Variants in SLC9B2 observed in about 807,000 individuals in gnomAD.
SLC9B2 encodes the protein solute carrier family 9 member B2.
SLC9B2 carries 39 observed loss-of-function variants against 52.2 expected under a neutral mutation model. That is an observed-to-expected ratio of 0.75 (90% CI 0.58 to 0.98). The LOEUF is 0.98. Among genes scored for constraint, SLC9B2 ranks in the 50% least tolerant of loss-of-function variants. SLC9B2 has a pLI of 0.00. For synonymous variants in SLC9B2, 214 were observed against 227.0 expected, an observed-to-expected ratio of 0.94 and a Z score of 0.51; for missense variants, 626 against 637.5, an observed-to-expected ratio of 0.98 and a Z score of 0.19.
chr4:103,044,458 G>C (rs1472107518), intron 8 of SLC9B2, among the ~76,000 whole-genome samples: 2 of 152,110 alleles, frequency 1.3e-5, no homozygotes, highest in African/African-American at 4.8e-5. Flanking sequence ...GTGTTGCCCA[G>C]ACTGGACTCA....
chr4:103,058,053 A>G, intron 3 of SLC9B2, 82 bp from the exon 4 acceptor site: 2 of 1,238,430 alleles, frequency 1.6e-6, no homozygotes, highest in Non-Finnish European at 2.3e-6. Flanking sequence ...ATTTGTAAAA[A>G]TAAATACTGA....
At chr4:103,031,892 A>C in intron 9 of SLC9B2, 84 bp from the exon 10 acceptor site, 1 of 1,370,178 alleles carries the variant, frequency 7.3e-7, no homozygotes, top group Non-Finnish European at 1.0e-6. Flanking sequence ...GGTTTGAATT[A>C]TTTGGCCTGA....
chr4:103,036,771 C>T (rs1335980397), intron 9 of SLC9B2, among the ~76,000 whole-genome samples: 1 of 151,282 alleles, frequency 6.6e-6, no homozygotes, highest in Non-Finnish European at 1.5e-5. Context: ...ATTGATAATG[C>T]TTTTTTGGAG....
At chr4:103,072,259 A>C (rs1428427601) in intron 1 of SLC9B2, among the ~76,000 whole-genome samples, 1 of 151,920 alleles carries the variant, frequency 6.6e-6, no homozygotes, top group Admixed American at 6.6e-5. Flanking sequence ...GGGTTTCACC[A>C]TGTTGGCCAG....
At chr4:103,072,133 A>G (rs2110673913) in intron 1 of SLC9B2, among the ~76,000 whole-genome samples, 1 of 136,348 alleles carries the variant, frequency 7.3e-6, no homozygotes, top group Admixed American at 8.4e-5. Context: ...ATCTCAGCTC[A>G]CTGCAACCTC....
chr4:103,030,458 GGTGAGAGGCTGGCAGGTTGT>G (rs958438347), intron 10 of SLC9B2, among the ~76,000 whole-genome samples: 2 of 151,940 alleles, frequency 1.3e-5, no homozygotes, highest in Non-Finnish European at 2.9e-5. Context: ...ATATTACCTT[GGTGAGAGGCTGGCAGGTTGT>G]GTGAGAGGTT....
chr4:103,048,058 C>A (rs1744327486), intron 6 of SLC9B2, among the ~76,000 whole-genome samples: 1 of 152,090 alleles, frequency 6.6e-6, no homozygotes, highest in Non-Finnish European at 1.5e-5. Context: ...CCCAGTGATG[C>A]TAGGCCTTCT....
At chr4:103,073,616 C>T (rs1036192631) in intron 1 of SLC9B2, among the ~76,000 whole-genome samples, 20 of 152,104 alleles carry the variant, frequency 1.3e-4, no homozygotes, top group Admixed American at 9.8e-4. Context: ...GGAAAACAAC[C>T]GCTATTTTAT....
chr4:103,053,865 G>A (rs1189745166), intron 4 of SLC9B2, among the ~76,000 whole-genome samples: 1 of 152,126 alleles, frequency 6.6e-6, no homozygotes, highest in African/African-American at 2.4e-5. Context: ...AACCATGCCT[G>A]GCTAATTTTT....
intron 2 of SLC9B2, 42 bp from the exon 3 acceptor site, chr4:103,066,549 AT>A: frequency 6.4e-7 from 1 of 1,556,716 alleles, no homozygotes; most frequent in Non-Finnish European, 8.7e-7. Context: ...AACTGTATAT[AT>A]TTTACACATA....
chr4:103,065,765 A>C (rs1746070436), intron 3 of SLC9B2: 1 of 152,252 alleles, frequency 6.6e-6, no homozygotes, highest in African/African-American at 2.4e-5. Context: ...GACCAAATCC[A>C]TTCCTGAAAG....
At chr4:103,060,363 C>T (rs1007370493) in intron 3 of SLC9B2, among the ~76,000 whole-genome samples, 1 of 151,630 alleles carries the variant, frequency 6.6e-6, no homozygotes, top group Non-Finnish European at 1.5e-5. Context: ...TCTTTCATTT[C>T]TAGAAGTTCA....
At chr4:103,066,720 T>C (rs1746164710) in intron 2 of SLC9B2, among the ~76,000 whole-genome samples, 1 of 152,058 alleles carries the variant, frequency 6.6e-6, no homozygotes, top group African/African-American at 2.4e-5. Flanking sequence ...TTAGTACAGG[T>C]TGAGTATCAC....
intron 7 of SLC9B2, among the ~76,000 whole-genome samples, 195 bp from the exon 8 acceptor site, chr4:103,045,191 TA>T (rs1279772881): frequency 6.6e-5 from 10 of 152,232 alleles, no homozygotes; most frequent in Non-Finnish European, 1.5e-4. Context: ...AAACTTTAAT[TA>T]AAAAAAATTT....
At position 103,052,200 on chromosome 4, in the gene SLC9B2, C is replaced by T. The variant is rs533016389; in HGVS notation, c.443-1818G>A. 1.1e-4 allele frequency among the ~76,000 whole-genome samples: 17 copies of T among 152,318 alleles called. No homozygotes were observed. The South Asian group carries it at 3.5e-3, about 32-fold the overall frequency. On this transcript the variant is annotated intron_variant, in intron 4 of 11. Coordinates refer to ENST00000394785, the MANE Select transcript of SLC9B2 (RefSeq NM_178833.7). ...GATGAAGCTTTCCACCTCAGATCATCAGGCATTAATTAGATTCTCATAAGG... is the reference window on the plus strand; with the variant it reads ...GATGAAGCTTTCCACCTCAGATCATTAGGCATTAATTAGATTCTCATAAGG...
Position 103,076,532 on chromosome 4 carries a change from G to C in SLC9B2, c.-391C>G, listed in dbSNP as rs571285009. The C allele has an allele frequency of 9.8e-4, 149 of 152,380 alleles. No individual in the cohort carries two copies. Among genetic ancestry groups the C allele is most frequent in the African/African-American group, 3.5e-3 (144 of 41,586 alleles). 9.4% of individuals were successfully genotyped at this position (152,380 alleles called of 1,614,324 possible). ...TTTCAGGTCCGGCGGCGCGGGTGCAGAGCCGCGTGCGATGCCTGGTGCGCG... is the reference window on the plus strand; with the variant it reads ...TTTCAGGTCCGGCGGCGCGGGTGCACAGCCGCGTGCGATGCCTGGTGCGCG... On this transcript the variant is annotated 5_prime_UTR_variant, in exon 1 of 12. Transcript: ENST00000394785.
In SLC9B2 at chr4:103,022,849, T is replaced by G. The variant is rs1464530851; in HGVS notation, c.*3521A>C. Among the ~76,000 whole-genome samples the G allele has an allele frequency of 6.6e-6, 1 of 152,152 alleles. No individual in the cohort carries two copies. Among genetic ancestry groups the G allele is most frequent in the Non-Finnish European group, 1.5e-5 (1 of 68,024 alleles). ...TGAGGTCATGAGGGTAGGGCCCTCA[T>G]GCTGTGATTAGAGTACCCTTATAAG... On this transcript the variant is annotated 3_prime_UTR_variant, in exon 12 of 12. Coordinates refer to ENST00000394785, the MANE Select transcript of SLC9B2 (RefSeq NM_178833.7).
At chr4:103,056,712 T>G (rs1745164431) in intron 4 of SLC9B2, among the ~76,000 whole-genome samples, 1 of 152,234 alleles carries the variant, frequency 6.6e-6, no homozygotes, top group Non-Finnish European at 1.5e-5. Flanking sequence ...CACTGTAAAT[T>G]CTATATAGCC....
intron 4 of SLC9B2, among the ~76,000 whole-genome samples, chr4:103,057,591 A>C (rs530081713): frequency 6.6e-6 from 1 of 152,068 alleles, no homozygotes. Flanking sequence ...ACAGGTGTGA[A>C]CCACAGCACA....
Sources: allele counts gnomAD v4.1 joint callset (sites outside exome capture counted in the v4.1 genomes callset), GRCh38; gene constraint gnomAD v4.1.1; transcripts MANE v1.5; gene names NCBI Gene and HGNC (gene_info 2026-07-23, HGNC 2026-07-21).